LAMB3: variants seen among roughly 807,000 people sequenced by gnomAD.
LAMB3 encodes the protein laminin subunit beta-3.
In LAMB3, 104 loss-of-function variants were observed where a neutral mutation model predicts 140.3. The ratio of observed to expected loss-of-function variants is 0.74; its 90% CI spans 0.63 to 0.87. LAMB3 has a LOEUF of 0.87. LAMB3 is among the 40% of genes least tolerant of loss of function. The probability of loss-of-function intolerance (pLI) is 0.00; values close to 1 mark genes in which losing one functional copy is unlikely to be tolerated. For missense variants in LAMB3, 1,531 were observed against 1,575.2 expected (o/e 0.97, Z 0.47); for synonymous variants, 592 against 602.9 (o/e 0.98, Z 0.26).
Position 209,637,808 on chromosome 1 carries a change from C to A in LAMB3, c.372+100G>T. On this transcript the variant is annotated intron_variant, in intron 5 of 22. Transcript: ENST00000356082. ...GATATAGGCTCATGGTGAGTGTTGC[C>A]CCAACCCAGAGAGACAAGGACACTG... 3 of 979,268 alleles carry A rather than the reference C, an allele frequency of 3.1e-6. No individual in the cohort carries two copies. In the South Asian group the frequency reaches 4.1e-5, roughly 13 times the overall value. 60.7% of individuals were successfully genotyped at this position (979,268 alleles called of 1,614,324 possible).
rs757559545 is a variant in LAMB3 at position 209,623,655 on chromosome 1, C to T, written c.2208G>A (p.Ser736=). ...TGTCCCTGAGCTGGTCCAAAAGGCG[C>T]GAGCTGTCGGAGACCTGCTGAGCAG... ...AQAAQQVSDS[S]RLLDQLRDSR... The change falls in exon 16 of 23, where the codon TCG becomes TCA. Residue 736 remains serine (S), a synonymous_variant. Coordinates refer to ENST00000356082, the MANE Select transcript of LAMB3 (RefSeq NM_000228.3). The surrounding 1 kb of genome is among the most constrained non-coding windows in gnomAD (Gnocchi z 4.2). 7.4e-6 allele frequency: 12 copies of T among 1,614,178 alleles called. No individual in the cohort carries two copies. Among genetic ancestry groups the T allele is most frequent in the Admixed American group, 1.7e-5 (1 of 60,032 alleles).
At chr1:209,645,368 C>G (rs752164455) in intron 3 of LAMB3, among the ~76,000 whole-genome samples, 2 of 152,058 alleles carry the variant, frequency 1.3e-5, no homozygotes, top group Non-Finnish European at 2.9e-5. Context: ...AGTAAACTCC[C>G]AAGGTAGAGC....
At chr1:209,640,564 T>C (rs1247701064) in intron 3 of LAMB3, among the ~76,000 whole-genome samples, 1 of 150,994 alleles carries the variant, frequency 6.6e-6, no homozygotes, top group Non-Finnish European at 1.5e-5. Context: ...AAAAAAGTAA[T>C]AAAATAAAAT....
chr1:209,620,693 G>A (rs148935470), intron 18 of LAMB3, among the ~76,000 whole-genome samples: 70 of 152,354 alleles, frequency 4.6e-4, no homozygotes, highest in Non-Finnish European at 8.5e-4. Context: ...GTGCAAAGTG[G>A]AAGTAATAAG....
intron 1 of LAMB3, among the ~76,000 whole-genome samples, chr1:209,652,018 T>TG (rs1350603112): frequency 6.6e-6 from 1 of 152,122 alleles, no homozygotes; most frequent in East Asian, 1.9e-4. Context: ...CAGCTAACGA[T>TG]GGCCTAAGAG....
At chr1:209,624,044 TTGCC>T (rs758093264) in intron 14 of LAMB3, 44 bp from the exon 15 acceptor site, 80 of 1,574,814 alleles carry the variant, frequency 5.1e-5, no homozygotes, top group Non-Finnish European at 6.9e-5. Flanking sequence ...GGAGGGAGTT[TTGCC>T]TCCCCAAAGC....
At chr1:209,634,331 C>G (rs1666810695) in intron 6 of LAMB3, 116 bp downstream of exon 6, 1 of 1,062,166 alleles carries the variant, frequency 9.4e-7, no homozygotes, top group Non-Finnish European at 1.5e-6. Flanking sequence ...GGAAAGTCAG[C>G]AAGGGGAGCT....
chr1:209,643,429 T>C (rs923223745), intron 3 of LAMB3, among the ~76,000 whole-genome samples: 9 of 152,240 alleles, frequency 5.9e-5, no homozygotes, highest in African/African-American at 2.2e-4. Flanking sequence ...CAATTCAGCC[T>C]GTCAGGCCTC....
chr1:209,627,402 A>C lies in LAMB3; in HGVS notation c.1466T>G (p.Leu489Arg). Residue 489 changes from leucine (L) to arginine (R), a missense_variant, in exon 12 of 23, where the codon CTC becomes CGC. By Grantham distance (102) the Leu-to-Arg change is moderately radical. Coordinates refer to ENST00000356082, the MANE Select transcript of LAMB3 (RefSeq NM_000228.3). Reference sequence around the variant, plus strand: ...TCGTACCTGGTTGCACTGTGGGCTGAGGGAGTTGTGCGGGTCGCAGGCACA... The same window carrying C: ...TCGTACCTGGTTGCACTGTGGGCTGCGGGAGTTGTGCGGGTCGCAGGCACA... ...EPCACDPHNS[L>R]SPQCNQFTGQ... 3.7e-6 allele frequency: 6 copies of C among 1,613,490 alleles called. No homozygotes were observed. Among genetic ancestry groups the C allele is most frequent in the Non-Finnish European group, 5.1e-6 (6 of 1,179,780 alleles).
At chr1:209,640,049 G>A (rs1383216195) in intron 3 of LAMB3, among the ~76,000 whole-genome samples, 1 of 152,192 alleles carries the variant, frequency 6.6e-6, no homozygotes, top group Non-Finnish European at 1.5e-5. Context: ...ACAGGAGAGA[G>A]CAAAGAGGGG....
In LAMB3 at chr1:209,623,450, G is replaced by A. The variant is rs781279778; in HGVS notation, c.2358+55C>T. 1.1e-5 allele frequency: 17 copies of A among 1,532,084 alleles called. No homozygotes were observed. The highest frequency in any genetic ancestry group is 1.7e-4 in the Middle Eastern group (1 of 5,938). The allele number at this position is 1,532,084 out of a possible 1,614,324, so 94.9% of individuals were successfully genotyped here. On this transcript the variant is annotated intron_variant, in intron 16 of 22. Transcript: ENST00000356082. The surrounding 1 kb of genome is among the most constrained non-coding windows in gnomAD (Gnocchi z 4.2). ...TAGGAAGCAGGTGGCAGCAGTTGGT[G>A]TGTGACAAGCTGGGGTGTGGGCTCC...
At chr1:209,617,641 T>C in intron 20 of LAMB3, 55 bp from the exon 21 acceptor site, 2 of 1,595,838 alleles carry the variant, frequency 1.3e-6, no homozygotes, top group South Asian at 1.1e-5. Flanking sequence ...GGTCGGGGGG[T>C]TCATCCCCAT....
At position 209,622,632 on chromosome 1, in the gene LAMB3, G is replaced by A. The variant is rs11555728; in HGVS notation, c.2605C>T (p.Arg869Cys). Residue 869 changes from arginine (R) to cysteine (C), a missense_variant, in exon 18 of 23, where the codon CGC (arginine) becomes TGC (cysteine). Coordinates refer to ENST00000356082, the MANE Select transcript of LAMB3 (RefSeq NM_000228.3). ...SASQIQSSAQ[R>C]LETQVSASRS... ...CTGGCGCTCACCTGGGTCTCCAAGC[G>A]CTGGGCACTGGATTGAATCTGTGAG... 5.3e-5 allele frequency: 85 copies of A among 1,613,982 alleles called. No individual in the cohort carries two copies. In the East Asian group the frequency reaches 8.5e-4, roughly 16 times the overall value.
At chr1:209,624,955 AGG>A (rs1387830193) in intron 14 of LAMB3, among the ~76,000 whole-genome samples, 8 of 150,900 alleles carry the variant, frequency 5.3e-5, no homozygotes, top group African/African-American at 1.9e-4. Context: ...GAAGGAAGGA[AGG>A]AAGGAAAAAA....
In LAMB3 at chr1:209,628,057, G is replaced by A. The variant is rs766227083; in HGVS notation, c.1266C>T (p.Tyr422=). ...CACGGTGGCAGCCCTGCGGGTTGGC[G>A]TAGGTGAGTCCAGTGAAGCCCGGCT... is the stretch of plus-strand genomic sequence containing the variant. ...LCKPGFTGLT[Y]ANPQGCHRCD... is the part of the protein sequence containing the mutation. The change falls in exon 11 of 23, where the codon TAC becomes TAT. Residue 422 remains tyrosine, a synonymous_variant. Coordinates refer to ENST00000356082, the MANE Select transcript of LAMB3 (RefSeq NM_000228.3). The A allele has an allele frequency of 2.8e-5, 45 of 1,606,724 alleles. No homozygotes were observed. Among genetic ancestry groups the A allele is most frequent in the Middle Eastern group, 1.6e-4 (1 of 6,064 alleles).
At chr1:209,627,255 C>A in intron 12 of LAMB3, 128 bp downstream of exon 12, 6 of 790,268 alleles carry the variant, frequency 7.6e-6, no homozygotes, top group African/African-American at 1.7e-5. Context: ...CAAATGAGAA[C>A]GGGGACAGAA....
intron 3 of LAMB3, among the ~76,000 whole-genome samples, chr1:209,647,754 A>G (rs2076530845): frequency 6.6e-6 from 1 of 152,164 alleles, no homozygotes; most frequent in African/African-American, 2.4e-5. Flanking sequence ...AATACACGAT[A>G]TGTTTCTCTC....
In LAMB3 at chr1:209,623,669, C is replaced by G. The variant is rs371634132; in HGVS notation, c.2194G>C (p.Val732Leu). Reference sequence around the variant, plus strand: ...TCCAAAAGGCGCGAGCTGTCGGAGACCTGCTGAGCAGCCTGGGCTGACTGC... The same window carrying G: ...TCCAAAAGGCGCGAGCTGTCGGAGAGCTGCTGAGCAGCCTGGGCTGACTGC... ...YEQSAQAAQQ[V>L]SDSSRLLDQL... The change falls in exon 16 of 23, where the codon GTC (valine) becomes CTC (leucine). Residue 732 changes from valine to leucine, a missense_variant. Val to Leu is a conservative substitution (Grantham distance 32). Coordinates refer to ENST00000356082, the MANE Select transcript of LAMB3 (RefSeq NM_000228.3). The surrounding 1 kb of genome is among the most constrained non-coding windows in gnomAD (Gnocchi z 4.2). 2 of 1,614,090 alleles carry G rather than the reference C, an allele frequency of 1.2e-6. No individual in the cohort carries two copies. The highest frequency in any genetic ancestry group is 2.7e-5 in the African/African-American group (2 of 74,946).
chr1:209,639,889 C>T (rs564401756), intron 3 of LAMB3, among the ~76,000 whole-genome samples: 1 of 152,288 alleles, frequency 6.6e-6, no homozygotes, highest in African/African-American at 2.4e-5. Context: ...CTCCACACAC[C>T]CTGTACCGCT....
Sources: gnomAD v4.1 joint callset for allele counts (sites outside exome capture counted in the v4.1 genomes callset) on GRCh38, gnomAD v4.1.1 for gene constraint, Gnocchi (gnomAD v3.1) non-coding constraint, MANE v1.5 for transcripts, NCBI Gene and HGNC (gene_info 2026-07-23, HGNC 2026-07-21) for gene names.